SPP2: variants seen among roughly 807,000 people sequenced by gnomAD.
SPP2 encodes the protein secreted phosphoprotein 2, also known as secreted phosphoprotein 24.
SPP2 carries 34 observed loss-of-function variants against 28.8 expected under a neutral mutation model. That is an observed-to-expected ratio of 1.18 (90% CI 0.90 to 1.57). The LOEUF (loss-of-function observed/expected upper bound fraction) is 1.57, where lower values mean the gene tolerates loss of function less well. SPP2 is among the 40% of genes most tolerant of loss of function. SPP2 has a pLI of 0.00. For missense variants in SPP2, 269 were observed against 263.9 expected (o/e 1.02, Z -0.13); for synonymous variants, 96 against 89.4 (o/e 1.07, Z -0.42).
At chr2:234,060,511 G>GCAC in intron 4 of SPP2, 32 bp downstream of exon 4, 1 of 1,533,030 alleles carries the variant, frequency 6.5e-7, no homozygotes, top group East Asian at 2.3e-5. Context: ...CTCCCAGACC[G>GCAC]CACCTCTTAG....
At chr2:234,062,273 T>C (rs1693734414) in intron 4 of SPP2, among the ~76,000 whole-genome samples, 1 of 152,170 alleles carries the variant, frequency 6.6e-6, no homozygotes, top group African/African-American at 2.4e-5. Context: ...GAACTGACCT[T>C]CCAGCCAAGA....
In SPP2 at chr2:234,050,834, T is replaced by G. The variant is rs374261845; in HGVS notation, c.48T>G (p.Ile16Met). ...EKMTMMMKIL[I>M]MFALGMNYWS... is the part of the protein sequence containing the mutation. ...TGACGATGATGATGAAGATATTGAT[T>G]ATGTTTGCTCTTGGAATGAACTACT... Residue 16 changes from isoleucine to methionine, a missense_variant, in exon 1 of 8, where the codon ATT (isoleucine) becomes ATG (methionine). Transcript: ENST00000168148. The G allele has an allele frequency of 2.5e-6, 4 of 1,613,968 alleles. No individual in the cohort carries two copies. In the African/African-American group the frequency reaches 5.3e-5, roughly 22 times the overall value.
intron 4 of SPP2, among the ~76,000 whole-genome samples, chr2:234,064,905 G>A (rs1293242685): frequency 6.6e-6 from 1 of 152,104 alleles, no homozygotes; most frequent in Non-Finnish European, 1.5e-5. Flanking sequence ...CCTTTGTATT[G>A]TTCCGTTTTA....
At chr2:234,062,519 G>A (rs544231445) in intron 4 of SPP2, among the ~76,000 whole-genome samples, 1 of 152,216 alleles carries the variant, frequency 6.6e-6, no homozygotes, top group African/African-American at 2.4e-5. Flanking sequence ...GAGGTTGCCT[G>A]GCTCTATCCT....
chr2:234,063,018 A>T (rs1481193400), intron 4 of SPP2, among the ~76,000 whole-genome samples: 1 of 152,240 alleles, frequency 6.6e-6, no homozygotes, highest in Non-Finnish European at 1.5e-5. Flanking sequence ...TTATTTTTAA[A>T]AATTCTCAAA....
chr2:234,058,731 T>G, intron 2 of SPP2, 105 bp from the exon 3 acceptor site: 1 of 1,304,438 alleles, frequency 7.7e-7, no homozygotes, highest in Non-Finnish European at 1.1e-6. Flanking sequence ...GCTTTCATGG[T>G]GGACAATTCT....
intron 2 of SPP2, among the ~76,000 whole-genome samples, chr2:234,058,617 T>C (rs1029131217): frequency 1.3e-5 from 2 of 152,242 alleles, no homozygotes; most frequent in Non-Finnish European, 2.9e-5. Context: ...ACATTCTGGT[T>C]CCATTTTCGT....
intron 2 of SPP2, among the ~76,000 whole-genome samples, chr2:234,052,624 T>C (rs927634545): frequency 5.9e-5 from 9 of 152,118 alleles, no homozygotes; most frequent in African/African-American, 1.9e-4. Flanking sequence ...TAGATACAAT[T>C]ATATGCGATG....
Position 234,058,817 on chromosome 2 carries a change from A to C in SPP2, c.211-19A>C. The C allele has an allele frequency of 6.2e-7, 1 of 1,610,530 alleles. No individual in the cohort carries two copies. The highest frequency in any genetic ancestry group is 8.5e-7 in the Non-Finnish European group (1 of 1,178,326). On this transcript the variant is annotated intron_variant, in intron 2 of 7. Coordinates refer to ENST00000168148, the MANE Select transcript of SPP2 (RefSeq NM_006944.3). ...TCAGAAATGCATTGATCACACTCTGAAACTTTATTTTTGTGAAGGTTGAGG... is the reference window on the plus strand; with the variant it reads ...TCAGAAATGCATTGATCACACTCTGCAACTTTATTTTTGTGAAGGTTGAGG...
rs551029738 is a variant in SPP2 at position 234,051,045 on chromosome 2, C to T, written c.160C>T (p.Gln54Ter). 2 of 1,614,012 alleles carry T rather than the reference C, an allele frequency of 1.2e-6. No individual in the cohort carries two copies. Among genetic ancestry groups the T allele is most frequent in the African/African-American group, 2.7e-5 (2 of 75,024 alleles). Reference sequence around the variant, plus strand: ...TGCCTCTGTGGTAAAAGTGAATTCCCAGTCACTGAGTCCGTATCTGTTTCG... The same window carrying T: ...TGCCTCTGTGGTAAAAGTGAATTCCTAGTCACTGAGTCCGTATCTGTTTCG... Reference protein sequence around the residue: ...LSASVVKVNSQSLSPYLFRAF... With the variant: ...LSASVVKVNS The change falls in exon 2 of 8, where the codon CAG (glutamine) becomes TAG (stop). Residue 54 changes from glutamine to a stop codon, truncating the protein, a stop_gained. Transcript: ENST00000168148. LOFTEE classifies it high-confidence loss of function.
intron 4 of SPP2, among the ~76,000 whole-genome samples, chr2:234,065,927 A>G (rs1216158569): frequency 6.6e-6 from 1 of 152,190 alleles, no homozygotes; most frequent in Non-Finnish European, 1.5e-5. Context: ...ATCTGGTAGT[A>G]TCAGCACTAT....
intron 7 of SPP2, among the ~76,000 whole-genome samples, chr2:234,070,266 G>A (rs1690732925): frequency 6.6e-6 from 1 of 152,164 alleles, no homozygotes; most frequent in Non-Finnish European, 1.5e-5. Context: ...CATGTGAGGA[G>A]CAAACAAACA....
intron 2 of SPP2, among the ~76,000 whole-genome samples, chr2:234,057,332 GT>G (rs60913928): frequency 0.31 from 46,940 of 152,014 alleles, 7,686 homozygotes; most frequent in East Asian, 0.52. Context: ...CCCTGGTCAG[GT>G]TTGCTCCAGC....
chr2:234,051,897 C>T (rs1693505823), intron 2 of SPP2, among the ~76,000 whole-genome samples: 1 of 152,180 alleles, frequency 6.6e-6, no homozygotes, highest in Admixed American at 6.5e-5. Flanking sequence ...ACATTGCTTT[C>T]TCTCTGTCTG....
Position 234,050,884 on chromosome 2 carries a change from C to T in SPP2, c.85+13C>T, listed in dbSNP as rs751959505. On this transcript the variant is annotated intron_variant, in intron 1 of 7. Coordinates refer to ENST00000168148, the MANE Select transcript of SPP2 (RefSeq NM_006944.3). ...TGGTCTTGCTCAGGTAAGGTATTCA[C>T]CAACCTGGCCACCTGCTCTGGATCA... is the stretch of plus-strand genomic sequence containing the variant. 10 of 1,614,032 alleles carry T rather than the reference C, an allele frequency of 6.2e-6. No individual in the cohort carries two copies. Among genetic ancestry groups the T allele is most frequent in the Non-Finnish European group, 7.6e-6 (9 of 1,179,934 alleles).
chr2:234,058,388 C>G (rs1282721384), intron 2 of SPP2, among the ~76,000 whole-genome samples: 1 of 152,202 alleles, frequency 6.6e-6, no homozygotes, highest in Non-Finnish European at 1.5e-5. Flanking sequence ...CCTTGTTCGG[C>G]TCCTGTTGGT....
intron 7 of SPP2, among the ~76,000 whole-genome samples, chr2:234,072,043 C>A (rs1186075744): frequency 3.3e-5 from 5 of 151,994 alleles, no homozygotes; most frequent in Admixed American, 6.5e-5. Context: ...CCCGCAGTGC[C>A]CTGCACACAG....
At chr2:234,059,691 T>C (rs996252775) in intron 3 of SPP2, among the ~76,000 whole-genome samples, 1 of 152,130 alleles carries the variant, frequency 6.6e-6, no homozygotes, top group Non-Finnish European at 1.5e-5. Flanking sequence ...AAGGCCAGGA[T>C]TTATGGTATG....
chr2:234,071,438 G>T (rs1362861184), intron 7 of SPP2, among the ~76,000 whole-genome samples: 1 of 152,164 alleles, frequency 6.6e-6, no homozygotes, highest in East Asian at 1.9e-4. Context: ...TACTGGCACT[G>T]AGCTTCATAG....
Sources: gnomAD v4.1 joint callset for allele counts (sites outside exome capture counted in the v4.1 genomes callset) on GRCh38, gnomAD v4.1.1 for gene constraint, MANE v1.5 for transcripts, NCBI Gene and HGNC (gene_info 2026-07-23, HGNC 2026-07-21) for gene names.